ATP6V1A: variants seen among roughly 807,000 people sequenced by gnomAD.
The protein encoded by ATP6V1A is ATPase H+ transporting V1 subunit A.
A neutral mutation model predicts 70.1 loss-of-function variants in ATP6V1A; 18 were observed. That is an observed-to-expected ratio of 0.26 (90% CI 0.18 to 0.38). The LOEUF (loss-of-function observed/expected upper bound fraction) is 0.38, where lower values mean the gene tolerates loss of function less well. ATP6V1A is among the 10% of genes least tolerant of loss of function. The pLI is 1.00. For missense variants in ATP6V1A, 424 were observed against 772.4 expected, an observed-to-expected ratio of 0.55 and a Z score of 5.35; for synonymous variants, 232 against 253.8, an observed-to-expected ratio of 0.91 and a Z score of 0.82.
chr3:113,771,429 C>CTTTT (rs772278685), intron 1 of ATP6V1A, among the ~76,000 whole-genome samples: 6 of 112,596 alleles, frequency 5.3e-5, no homozygotes, highest in Non-Finnish European at 7.2e-5. Flanking sequence ...ATATTTTTCT[C>CTTTT]TTTTTTTTTT....
chr3:113,781,575 C>G (rs1400129996), intron 3 of ATP6V1A, among the ~76,000 whole-genome samples: 1 of 151,852 alleles, frequency 6.6e-6, no homozygotes, highest in East Asian at 1.9e-4. Context: ...AAAGCAGCAA[C>G]AACTAATGAT....
At chr3:113,774,900 G>C (rs1278567724) in intron 1 of ATP6V1A, among the ~76,000 whole-genome samples, 1 of 151,792 alleles carries the variant, frequency 6.6e-6, no homozygotes, top group Admixed American at 6.6e-5. Context: ...CATGTAGAAC[G>C]TTTTTTTATT....
intron 1 of ATP6V1A, among the ~76,000 whole-genome samples, chr3:113,769,828 A>G (rs1708814363): frequency 6.6e-6 from 1 of 152,112 alleles, no homozygotes; most frequent in South Asian, 2.1e-4. Context: ...ATCTTTCACA[A>G]ATTGGGTAGG....
intron 1 of ATP6V1A, among the ~76,000 whole-genome samples, chr3:113,777,252 T>C (rs997883156): frequency 2.0e-5 from 3 of 152,230 alleles, no homozygotes; most frequent in Admixed American, 6.5e-5. Flanking sequence ...TTTCTTAAAC[T>C]ATTCTGTGTG....
chr3:113,801,587 T>A (rs2108042948), intron 12 of ATP6V1A, among the ~76,000 whole-genome samples: 1 of 152,186 alleles, frequency 6.6e-6, no homozygotes, highest in Non-Finnish European at 1.5e-5. Flanking sequence ...CTCAAGCAGG[T>A]CCTTAAGTGG....
At chr3:113,780,302 T>C (rs1708963729) in intron 2 of ATP6V1A, among the ~76,000 whole-genome samples, 1 of 152,178 alleles carries the variant, frequency 6.6e-6, no homozygotes, top group Non-Finnish European at 1.5e-5. Flanking sequence ...ATATTAAAAA[T>C]TGGTTTATTC....
chr3:113,768,007 G>C (rs1263674578), intron 1 of ATP6V1A, among the ~76,000 whole-genome samples: 4 of 152,164 alleles, frequency 2.6e-5, no homozygotes, highest in African/African-American at 9.7e-5. Flanking sequence ...TTGATGAACT[G>C]TAAGTGTGTT....
rs543827090 is a variant in ATP6V1A at position 113,776,389 on chromosome 3, T to A, written c.-13-2352T>A. On this transcript the variant is annotated intron_variant, in intron 1 of 14. Transcript: ENST00000273398. Reference sequence around the variant, plus strand: ...TCTCAAAAAAACAAAAACAAAAACTTACTTTACAGCTCCCTGTTCACTATA... The same window carrying A: ...TCTCAAAAAAACAAAAACAAAAACTAACTTTACAGCTCCCTGTTCACTATA... Among the ~76,000 whole-genome samples, 11 of 152,228 alleles carry A rather than the reference T, an allele frequency of 7.2e-5. No homozygotes were observed. In the South Asian group the frequency reaches 1.7e-3, roughly 23 times the overall value.
At chr3:113,798,517 TTGGATATTACA>T in intron 12 of ATP6V1A, 71 bp downstream of exon 12, 1 of 1,387,612 alleles carries the variant, frequency 7.2e-7, no homozygotes, top group South Asian at 1.4e-5. Flanking sequence ...AGATAGAGCC[TTGGATATTACA>T]GATTCTTGCC....
chr3:113,805,275 G>A (rs2108045793), intron 13 of ATP6V1A, 79 bp from the exon 14 acceptor site: 1 of 1,342,314 alleles, frequency 7.4e-7, no homozygotes, highest in East Asian at 2.3e-5. Context: ...AGAAACTAAT[G>A]CTCTAGTAGT....
intron 8 of ATP6V1A, among the ~76,000 whole-genome samples, chr3:113,792,992 C>A (rs1709112823): frequency 6.6e-6 from 1 of 152,040 alleles, no homozygotes; most frequent in South Asian, 2.1e-4. Flanking sequence ...GTTCATTTTC[C>A]TTTTGGATGA....
At chr3:113,801,824 T>C (rs1371169076) in intron 12 of ATP6V1A, among the ~76,000 whole-genome samples, 1 of 151,572 alleles carries the variant, frequency 6.6e-6, no homozygotes, top group African/African-American at 2.4e-5. Context: ...AAATAAAATA[T>C]ATATTTTACA....
chr3:113,753,463 C>T (rs1708612027), intron 1 of ATP6V1A, among the ~76,000 whole-genome samples: 1 of 152,074 alleles, frequency 6.6e-6, no homozygotes, highest in South Asian at 2.1e-4. Context: ...AATAAAAGCA[C>T]CAGTAAGAGT....
chr3:113,808,054 C>T (rs902947385), intron 14 of ATP6V1A, among the ~76,000 whole-genome samples: 14 of 149,622 alleles, frequency 9.4e-5, no homozygotes, highest in East Asian at 4.0e-4. Context: ...CACTTAAGCC[C>T]GGGAGGTGGA....
At chr3:113,780,894 G>A (rs1254859814) in intron 2 of ATP6V1A, 156 bp from the exon 3 acceptor site, 2 of 1,290,272 alleles carry the variant, frequency 1.6e-6, no homozygotes, top group Non-Finnish European at 2.1e-6. Context: ...ATATATCTAT[G>A]TGAAACTACC....
chr3:113,761,487 A>G (rs1259577865), intron 1 of ATP6V1A, among the ~76,000 whole-genome samples: 1 of 151,924 alleles, frequency 6.6e-6, no homozygotes, highest in Non-Finnish European at 1.5e-5. Context: ...GTGTTATCCC[A>G]GCGCTTTGGG....
At position 113,784,433 on chromosome 3, in the gene ATP6V1A, C is replaced by G; in HGVS notation, c.421C>G (p.Leu141Val). The G allele has an allele frequency of 6.2e-7, 1 of 1,608,568 alleles. No homozygotes were observed. Among genetic ancestry groups the G allele is most frequent in the South Asian group, 1.1e-5 (1 of 90,850 alleles). Residue 141 changes from leucine (L) to valine (V), a missense_variant, in exon 4 of 15, where the codon CTA becomes GTA. Physicochemically the swap from Leu to Val is conservative, Grantham distance 32 (BLOSUM62 1). Coordinates refer to ENST00000273398, the MANE Select transcript of ATP6V1A (RefSeq NM_001690.4). ...IKWDFTPCKN[L>V]RVGSHITGGD... ...ATGGGACTTTACACCTTGCAAAAAC[C>G]TACGGGTATGTCTGTGTAACCAAGA... is the stretch of plus-strand genomic sequence containing the variant.
chr3:113,756,175 G>A (rs1559748109), intron 1 of ATP6V1A, among the ~76,000 whole-genome samples: 2 of 152,210 alleles, frequency 1.3e-5, no homozygotes, highest in East Asian at 1.9e-4. Flanking sequence ...TAGGGCTCAG[G>A]ATTAGAGCCC....
Position 113,789,800 on chromosome 3 carries a change from C to A in ATP6V1A, c.948C>A (p.Ser316=). 1 of 1,612,356 alleles carries A rather than the reference C, an allele frequency of 6.2e-7. No homozygotes were observed. Among genetic ancestry groups the A allele is most frequent in the Non-Finnish European group, 8.5e-7 (1 of 1,178,508 alleles). The part of the protein sequence containing the change: ...MKRTALVANT[S]NMPVAAREAS... Reference sequence around the variant, plus strand: ...GGACAGCTTTGGTAGCCAATACCTCCAATATGCCTGTTGCTGCTAGAGAAG... The same window carrying A: ...GGACAGCTTTGGTAGCCAATACCTCAAATATGCCTGTTGCTGCTAGAGAAG... The change falls in exon 8 of 15, where the codon TCC becomes TCA. Residue 316 remains serine (S), a synonymous_variant. Transcript: ENST00000273398.
Sources: gnomAD v4.1 joint callset for allele counts (sites outside exome capture counted in the v4.1 genomes callset) on GRCh38, gnomAD v4.1.1 for gene constraint, MANE v1.5 for transcripts, NCBI Gene and HGNC (gene_info 2026-07-23, HGNC 2026-07-21) for gene names.